The following TBC1D1 variants were observed in gnomAD, a reference collection of about 807,000 sequenced individuals.
TBC1D1 encodes the protein TBC1 (tre-2/USP6, BUB2, cdc16) domain family, member 1.
Under a neutral mutation model 125.6 loss-of-function variants are expected in TBC1D1, and 89 were observed. The ratio of observed to expected loss-of-function variants is 0.71; its 90% CI spans 0.60 to 0.85. The LOEUF (loss-of-function observed/expected upper bound fraction) is 0.85. Ranked by LOEUF, TBC1D1 falls within the 40% of genes least tolerant of loss-of-function variation. TBC1D1 has a pLI of 0.00. For missense variants in TBC1D1, 1,377 were observed against 1,469.2 expected (o/e 0.94, Z 1.03); for synonymous variants, 565 against 564.1 (o/e 1.00, Z -0.02).
chr4:37,967,602 A>G (rs909809669), intron 2 of TBC1D1, among the ~76,000 whole-genome samples: 12 of 152,194 alleles, frequency 7.9e-5, no homozygotes, highest in African/African-American at 2.4e-4. Flanking sequence ...TTGATTTACT[A>G]TAGAAGAAGT....
chr4:37,952,503 T>C, intron 2 of TBC1D1: 1 of 170,200 alleles, frequency 5.9e-6, no homozygotes, highest in South Asian at 1.4e-4. Flanking sequence ...CTGGAAACCA[T>C]TATCCTCAGC....
chr4:37,926,286 C>T (rs563500554), intron 2 of TBC1D1, among the ~76,000 whole-genome samples: 129 of 150,740 alleles, frequency 8.6e-4, no homozygotes, highest in South Asian at 2.1e-3. Context: ...TTCTGCCTGC[C>T]GTCACTTTAG....
At chr4:37,924,093 C>G (rs1721585889) in intron 2 of TBC1D1, among the ~76,000 whole-genome samples, 1 of 152,104 alleles carries the variant, frequency 6.6e-6, no homozygotes, top group Non-Finnish European at 1.5e-5. Context: ...TCTCGGCTTC[C>G]TTAGGTACCC....
intron 2 of TBC1D1, among the ~76,000 whole-genome samples, chr4:38,009,589 T>A (rs1371786178): frequency 6.6e-6 from 1 of 152,230 alleles, no homozygotes; most frequent in Non-Finnish European, 1.5e-5. Flanking sequence ...AATAAGGACT[T>A]TATTTACAGA....
chr4:38,051,973 T>G, intron 11 of TBC1D1: 1 of 1,550,852 alleles, frequency 6.4e-7, no homozygotes, highest in African/African-American at 1.4e-5. Context: ...CCACCTCGTC[T>G]TAACCCCTCC....
At chr4:38,051,911 A>G (rs1417260881) in intron 11 of TBC1D1, 1 of 1,547,904 alleles carries the variant, frequency 6.5e-7, no homozygotes, top group Admixed American at 2.0e-5. Context: ...TGGATCCTTC[A>G]CCTGTGGGTG....
intron 15 of TBC1D1, among the ~76,000 whole-genome samples, chr4:38,111,590 G>A (rs988198943): frequency 4.6e-5 from 7 of 152,012 alleles, no homozygotes; most frequent in South Asian, 2.1e-4. Context: ...AATAGAATCC[G>A]CTGAATTTTA....
At chr4:38,121,304 T>C (rs1214680934) in intron 17 of TBC1D1, among the ~76,000 whole-genome samples, 4 of 152,204 alleles carry the variant, frequency 2.6e-5, no homozygotes, top group Non-Finnish European at 5.9e-5. Context: ...CAAGCTCACA[T>C]AGGAAGATTG....
intron 17 of TBC1D1, among the ~76,000 whole-genome samples, chr4:38,122,874 A>G (rs1764078246): frequency 6.6e-6 from 1 of 152,218 alleles, no homozygotes; most frequent in Non-Finnish European, 1.5e-5. Context: ...TAATTTTTTA[A>G]CATATCAATA....
At chr4:37,895,248 G>A (rs934923441) in intron 1 of TBC1D1, among the ~76,000 whole-genome samples, 6 of 152,122 alleles carry the variant, frequency 3.9e-5, no homozygotes, top group African/African-American at 1.4e-4. Flanking sequence ...TAATGTGTTG[G>A]TAACTATTCT....
chr4:38,079,104 C>G (rs994505079), intron 12 of TBC1D1, among the ~76,000 whole-genome samples: 1 of 140,558 alleles, frequency 7.1e-6, no homozygotes. Context: ...GAGGCTCCCA[C>G]GGTGGAGGGG....
chr4:37,974,688 G>C (rs1732708843), intron 2 of TBC1D1, among the ~76,000 whole-genome samples: 1 of 152,196 alleles, frequency 6.6e-6, no homozygotes, highest in Non-Finnish European at 1.5e-5. Flanking sequence ...CTCCTGAGTA[G>C]CTGGGATTAC....
chr4:38,026,637 C>CA (rs1553920994), intron 6 of TBC1D1, among the ~76,000 whole-genome samples: 1 of 151,590 alleles, frequency 6.6e-6, no homozygotes, highest in Non-Finnish European at 1.5e-5. Flanking sequence ...ATAACCCATG[C>CA]TTTTTTTTTC....
At chr4:37,891,927 C>CT (rs1026269889) in intron 1 of TBC1D1, among the ~76,000 whole-genome samples, 17 of 151,798 alleles carry the variant, frequency 1.1e-4, no homozygotes, top group Non-Finnish European at 1.6e-4. Flanking sequence ...TTTGTTTTTG[C>CT]TTTTTTTTCA....
chr4:38,101,435 G>A (rs1304139058), intron 14 of TBC1D1, among the ~76,000 whole-genome samples: 1 of 152,206 alleles, frequency 6.6e-6, no homozygotes, highest in African/African-American at 2.4e-5. Flanking sequence ...GTTCAAAACT[G>A]TCACCTTTTA....
intron 15 of TBC1D1, among the ~76,000 whole-genome samples, chr4:38,103,469 G>A (rs553395497): frequency 1.3e-5 from 2 of 152,256 alleles, no homozygotes; most frequent in African/African-American, 2.4e-5. Flanking sequence ...ACAGTCAACC[G>A]AAGGAACATC....
intron 11 of TBC1D1, among the ~76,000 whole-genome samples, chr4:38,052,720 G>A (rs1461673624): frequency 2.6e-4 from 15 of 57,564 alleles, no homozygotes; most frequent in African/African-American, 9.6e-4. Flanking sequence ...ACACGCGCGC[G>A]CGCGCGCGCA....
intron 2 of TBC1D1, among the ~76,000 whole-genome samples, chr4:37,909,856 G>T (rs977413404): frequency 6.6e-6 from 1 of 152,148 alleles, no homozygotes. Context: ...ACTCAGTGCA[G>T]TGTATCCATG....
intron 6 of TBC1D1, among the ~76,000 whole-genome samples, chr4:38,023,757 T>G (rs1744527411): frequency 6.6e-6 from 1 of 152,242 alleles, no homozygotes; most frequent in Non-Finnish European, 1.5e-5. Flanking sequence ...ACTGTTGTAC[T>G]AATAATGCTG....
Sources: gnomAD v4.1 joint callset for allele counts (sites outside exome capture counted in the v4.1 genomes callset) on GRCh38, gnomAD v4.1.1 for gene constraint, MANE v1.5 for transcripts, NCBI Gene and HGNC (gene_info 2026-07-23, HGNC 2026-07-21) for gene names.